The following FBXL7 variants were observed in gnomAD, a reference collection of about 807,000 sequenced individuals.
The protein encoded by FBXL7 is F-box/LRR-repeat protein 7.
FBXL7 carries 12 observed loss-of-function variants against 38.3 expected under a neutral mutation model. That is an observed-to-expected ratio of 0.31 (90% CI 0.20 to 0.51). The LOEUF (loss-of-function observed/expected upper bound fraction) is 0.51, where lower values mean the gene tolerates loss of function less well. Among genes scored for constraint, FBXL7 ranks in the 20% least tolerant of loss-of-function variants. The pLI, the probability that FBXL7 is intolerant of heterozygous loss-of-function variation, is 0.98. For synonymous variants in FBXL7, 297 were observed against 300.9 expected (o/e 0.99, Z 0.13); for missense variants, 567 against 676.4 (o/e 0.84, Z 1.79).
In FBXL7 at chr5:15,865,399, G is replaced by A. The variant is rs1037348640; in HGVS notation, c.128-62491G>A. Among the ~76,000 whole-genome samples, 7 of 152,196 alleles carry A rather than the reference G, an allele frequency of 4.6e-5. No individual in the cohort carries two copies. The East Asian group carries it at 5.8e-4, about 13-fold the overall frequency. On this transcript the variant is annotated intron_variant, in intron 2 of 3. Coordinates refer to ENST00000504595, the MANE Select transcript of FBXL7 (RefSeq NM_012304.5). Reference sequence around the variant, plus strand: ...CAAATTGGAGCTTACCTGAATGTTCGAAGAGGGCTTTAAAGAGAGAAAGAT... The same window carrying A: ...CAAATTGGAGCTTACCTGAATGTTCAAAGAGGGCTTTAAAGAGAGAAAGAT...
intron 2 of FBXL7, among the ~76,000 whole-genome samples, chr5:15,699,412 C>T (rs1391795873): frequency 2.6e-5 from 4 of 152,160 alleles, no homozygotes; most frequent in Non-Finnish European, 5.9e-5. Context: ...CTGCATTGCT[C>T]CAGCCTCTTC....
intron 2 of FBXL7, among the ~76,000 whole-genome samples, chr5:15,763,027 AC>A (rs1339168370): frequency 6.6e-6 from 1 of 152,132 alleles, no homozygotes; most frequent in Non-Finnish European, 1.5e-5. Flanking sequence ...TCTTGCTCTA[AC>A]ACTGCTATCA....
At chr5:15,541,238 C>CTG (rs1179677093) in intron 1 of FBXL7, among the ~76,000 whole-genome samples, 1 of 151,482 alleles carries the variant, frequency 6.6e-6, no homozygotes, top group East Asian at 2.0e-4. Flanking sequence ...CCATCCAGTA[C>CTG]TGCTTACATT....
chr5:15,808,836 C>T (rs1047726341), intron 2 of FBXL7, among the ~76,000 whole-genome samples: 2 of 152,132 alleles, frequency 1.3e-5, no homozygotes, highest in African/African-American at 4.8e-5. Context: ...TCATGTAGGC[C>T]TGTTCTTTTT....
intron 2 of FBXL7, among the ~76,000 whole-genome samples, chr5:15,687,888 A>T (rs571919523): frequency 3.9e-5 from 6 of 152,346 alleles, no homozygotes; most frequent in African/African-American, 1.4e-4. Flanking sequence ...GGATGATAGT[A>T]CTAAGAATTG....
At chr5:15,731,098 C>T (rs987323833) in intron 2 of FBXL7, among the ~76,000 whole-genome samples, 1 of 152,140 alleles carries the variant, frequency 6.6e-6, no homozygotes, top group Non-Finnish European at 1.5e-5. Flanking sequence ...CGTCTGAGTA[C>T]ATTCTTGTTA....
chr5:15,684,234 C>G (rs1742941865), intron 2 of FBXL7, among the ~76,000 whole-genome samples: 1 of 152,126 alleles, frequency 6.6e-6, no homozygotes, highest in Non-Finnish European at 1.5e-5. Flanking sequence ...CGCACCTGCT[C>G]TCAACGAACT....
At chr5:15,833,624 C>G (rs1442251591) in intron 2 of FBXL7, among the ~76,000 whole-genome samples, 2 of 152,194 alleles carry the variant, frequency 1.3e-5, no homozygotes, top group Non-Finnish European at 2.9e-5. Flanking sequence ...ACAAGTCTTT[C>G]CAGATTTACC....
chr5:15,747,032 A>C (rs942471018), intron 2 of FBXL7, among the ~76,000 whole-genome samples: 1 of 152,174 alleles, frequency 6.6e-6, no homozygotes, highest in Non-Finnish European at 1.5e-5. Flanking sequence ...TTCATGGATC[A>C]TGCTGTTAGT....
chr5:15,821,993 A>C (rs945119523), intron 2 of FBXL7, among the ~76,000 whole-genome samples: 8 of 152,168 alleles, frequency 5.3e-5, no homozygotes, highest in African/African-American at 1.9e-4. Context: ...TTGCTGCCTC[A>C]GTAAAAACCA....
At chr5:15,741,595 TA>T (rs939243780) in intron 2 of FBXL7, among the ~76,000 whole-genome samples, 2 of 152,044 alleles carry the variant, frequency 1.3e-5, no homozygotes, top group South Asian at 2.1e-4. Context: ...CTCTTGGGTA[TA>T]AAAAAAGAGT....
intron 1 of FBXL7, among the ~76,000 whole-genome samples, chr5:15,511,383 C>T (rs1277271149): frequency 2.0e-5 from 3 of 152,152 alleles, no homozygotes; most frequent in African/African-American, 2.4e-5. Flanking sequence ...TTGGTCTTTG[C>T]GCTGAAACAG....
chr5:15,905,727 A>G lies in FBXL7; in HGVS notation c.128-22163A>G, dbSNP rs575050499. Among the ~76,000 whole-genome samples, 362 of 152,326 alleles carry G rather than the reference A, an allele frequency of 2.4e-3. 1 individual carries two copies. The highest frequency in any genetic ancestry group is 8.2e-3 in the African/African-American group (340 of 41,576). Reference sequence around the variant, plus strand: ...TTCAGTTCTAAACTTATGAAGATAAACAAAGTGGTCTGCCCATCAGAAAAG... The same window carrying G: ...TTCAGTTCTAAACTTATGAAGATAAGCAAAGTGGTCTGCCCATCAGAAAAG... On this transcript the variant is annotated intron_variant, in intron 2 of 3. Coordinates refer to ENST00000504595, the MANE Select transcript of FBXL7 (RefSeq NM_012304.5).
chr5:15,550,365 TGGTAGCTGAGATGGTGTGATG>T (rs762276367), intron 1 of FBXL7, among the ~76,000 whole-genome samples: 18 of 152,098 alleles, frequency 1.2e-4, no homozygotes, highest in Non-Finnish European at 2.4e-4. Context: ...ATGGTGTGAT[TGGTAGCTGAGATGGTGTGATG>T]GGTGACAAGG....
At chr5:15,833,196 C>T (rs1300543218) in intron 2 of FBXL7, among the ~76,000 whole-genome samples, 1 of 152,170 alleles carries the variant, frequency 6.6e-6, no homozygotes, top group African/African-American at 2.4e-5. Context: ...CAACAGAAAT[C>T]TACTTCTTAT....
chr5:15,684,563 G>A (rs1177825086), intron 2 of FBXL7, among the ~76,000 whole-genome samples: 1 of 152,186 alleles, frequency 6.6e-6, no homozygotes, highest in African/African-American at 2.4e-5. Flanking sequence ...CTTTGCAGAT[G>A]TGATTACAGA....
intron 2 of FBXL7, among the ~76,000 whole-genome samples, chr5:15,707,175 T>A (rs13166734): frequency 3.8e-4 from 6 of 15,664 alleles, no homozygotes; most frequent in Non-Finnish European, 8.7e-4. Flanking sequence ...TTTCTTTTCG[T>A]TTTTTTTTTT....
At chr5:15,781,927 C>T (rs1210581014) in intron 2 of FBXL7, among the ~76,000 whole-genome samples, 3 of 152,114 alleles carry the variant, frequency 2.0e-5, no homozygotes, top group Admixed American at 6.6e-5. Flanking sequence ...GTTTGCTGCA[C>T]CTATCAACCC....
chr5:15,590,568 A>G (rs1739441545), intron 1 of FBXL7, among the ~76,000 whole-genome samples: 1 of 151,992 alleles, frequency 6.6e-6, no homozygotes, highest in Non-Finnish European at 1.5e-5. Context: ...GTGGTTGTTG[A>G]ATGCTCAATG....
Sources: gnomAD v4.1 joint callset for allele counts (sites outside exome capture counted in the v4.1 genomes callset) on GRCh38, gnomAD v4.1.1 for gene constraint, MANE v1.5 for transcripts, NCBI Gene and HGNC (gene_info 2026-07-23, HGNC 2026-07-21) for gene names.